IFT140: variants seen among roughly 807,000 people sequenced by gnomAD.
The protein encoded by IFT140 is intraflagellar transport 140.
Under a neutral mutation model 164.6 loss-of-function variants are expected in IFT140, and 133 were observed. The observed-to-expected ratio is 0.81, with a 90% confidence interval of 0.70 to 0.93. The LOEUF (loss-of-function observed/expected upper bound fraction) is 0.93. Ranked by LOEUF, IFT140 falls within the 40% of genes least tolerant of loss-of-function variation. IFT140 has a pLI of 0.00. For synonymous variants in IFT140, 860 were observed against 817.3 expected, an observed-to-expected ratio of 1.05 and a Z score of -0.89; for missense variants, 2,045 against 1,972.3, an observed-to-expected ratio of 1.04 and a Z score of -0.70.
At chr16:1,542,262 G>A (rs1263505031) in intron 19 of IFT140, among the ~76,000 whole-genome samples, 1 of 152,248 alleles carries the variant, frequency 6.6e-6, no homozygotes, top group African/African-American at 2.4e-5. Context: ...CAAGAATGAT[G>A]AAAGACAGAA....
chr16:1,600,886 GA>G (rs1308659905), intron 4 of IFT140, among the ~76,000 whole-genome samples: 1 of 149,010 alleles, frequency 6.7e-6, no homozygotes, highest in East Asian at 1.9e-4. Flanking sequence ...TAAATTTCAT[GA>G]AAGACCAAAA....
chr16:1,591,430 G>A (rs1879508375), intron 6 of IFT140, among the ~76,000 whole-genome samples: 1 of 152,070 alleles, frequency 6.6e-6, no homozygotes, highest in Admixed American at 6.5e-5. Context: ...ACACAGCCCC[G>A]TCTGCTCTCA....
At chr16:1,606,496 T>C (rs1375921232) in intron 3 of IFT140, among the ~76,000 whole-genome samples, 1 of 152,248 alleles carries the variant, frequency 6.6e-6, no homozygotes, top group African/African-American at 2.4e-5. Flanking sequence ...GTTTTGCTTT[T>C]GTTGCCCAGG....
At chr16:1,528,422 C>T (rs986679619) in intron 19 of IFT140, among the ~76,000 whole-genome samples, 1 of 117,644 alleles carries the variant, frequency 8.5e-6, no homozygotes, top group Admixed American at 7.9e-5. Context: ...GACGCACATG[C>T]ACACACAGAT....
chr16:1,539,610 G>C (rs979657792), intron 19 of IFT140, among the ~76,000 whole-genome samples: 1 of 152,258 alleles, frequency 6.6e-6, no homozygotes, highest in African/African-American at 2.4e-5. Context: ...TCGCGGGAGC[G>C]CTATGGTTTC....
intron 6 of IFT140, among the ~76,000 whole-genome samples, chr16:1,591,379 C>G (rs1413702904): frequency 6.6e-6 from 1 of 152,176 alleles, no homozygotes; most frequent in Admixed American, 6.5e-5. Context: ...TCTTCACCTT[C>G]TAAAATGAAA....
chr16:1,575,654 G>A (rs2141679893), intron 13 of IFT140, among the ~76,000 whole-genome samples: 1 of 152,306 alleles, frequency 6.6e-6, no homozygotes, highest in Admixed American at 6.5e-5. Context: ...GGACTTCTCA[G>A]TGGGCCCACT....
chr16:1,524,417 C>G lies in IFT140; in HGVS notation c.3141+135G>C. 4 of 1,196,782 alleles carry G rather than the reference C, an allele frequency of 3.3e-6. No individual in the cohort carries two copies. In the South Asian group the frequency reaches 6.2e-5, roughly 18 times the overall value. The allele number at this position is 1,196,782 out of a possible 1,614,324, so 74.1% of individuals were successfully genotyped here. ...CAGAGGGGTGGGCGGGTGAGGCAGA[C>G]GGGGTGAGCAGTGAGTGGCAGACAC... On this transcript the variant is annotated intron_variant, in intron 24 of 30. Coordinates refer to ENST00000426508, the MANE Select transcript of IFT140 (RefSeq NM_014714.4).
intron 15 of IFT140, 57 bp from the exon 16 acceptor site, chr16:1,566,348 G>A (rs1596376625): frequency 1.3e-6 from 2 of 1,593,502 alleles, no homozygotes; most frequent in East Asian, 2.2e-5. Context: ...GCGGGTTGGT[G>A]GGCTGTGCTA....
chr16:1,518,275 T>C lies in IFT140; in HGVS notation c.4123A>G (p.Ile1375Val), dbSNP rs1258339035. Residue 1375 changes from isoleucine to valine, a missense_variant, in exon 30 of 31, where the codon ATC becomes GTC. Transcript: ENST00000426508. ...EEPDLDSTIRIGDVYGFLVEH... is the reference protein window; with the variant it reads ...EEPDLDSTIRVGDVYGFLVEH... ...ACCAGGAAGCCATAGACGTCCCCGA[T>C]GCGGATGGTGCTGTCCAGGTCTGGT... The C allele has an allele frequency of 6.2e-7, 1 of 1,614,172 alleles. No individual in the cohort carries two copies. The highest frequency in any genetic ancestry group is 8.5e-7 in the Non-Finnish European group (1 of 1,180,028).
At chr16:1,581,807 A>AGGGGAG (rs2034584871) in intron 12 of IFT140, among the ~76,000 whole-genome samples, 3 of 20,816 alleles carry the variant, frequency 1.4e-4, no homozygotes, top group East Asian at 1.4e-3. Flanking sequence ...AGTGGAGGGG[A>AGGGGAG]TGGGAGTGGA....
chr16:1,604,316 T>TGTGTGG (rs1273123812), intron 3 of IFT140: 6 of 127,002 alleles, frequency 4.7e-5, no homozygotes, highest in African/African-American at 1.8e-4. Flanking sequence ...TGTGTGTGTG[T>TGTGTGG]GGAGGGGGGA....
At chr16:1,526,214 C>G (rs2040690117) in intron 20 of IFT140, 137 bp from the exon 21 acceptor site, 1 of 811,982 alleles carries the variant, frequency 1.2e-6, no homozygotes, top group African/African-American at 1.7e-5. Context: ...GCTGTGGGCA[C>G]AGCAAACGCC....
chr16:1,520,016 T>G lies in IFT140; in HGVS notation c.3905A>C (p.Lys1302Thr), dbSNP rs1158508372. The change falls in exon 29 of 31, where the codon AAA becomes ACA. Residue 1302 changes from lysine (K) to threonine (T), a missense_variant. Coordinates refer to ENST00000426508, the MANE Select transcript of IFT140 (RefSeq NM_014714.4). ...GGCCTCGGTCAGCGCCCCGTGGGCT[T>G]TGTCGTAGTTCTGGTATTCATCAAT... ...VEIDEYQNYD[K>T]AHGALTEAYK... 1 of 1,601,636 alleles carries G rather than the reference T, an allele frequency of 6.2e-7. No homozygotes were observed. Among genetic ancestry groups the G allele is most frequent in the Non-Finnish European group, 8.5e-7 (1 of 1,174,270 alleles).
chr16:1,541,805 G>C, intron 19 of IFT140: 1 of 1,295,538 alleles, frequency 7.7e-7, no homozygotes, highest in South Asian at 1.5e-5. Context: ...TGGAGGCACA[G>C]CCTGTGCCGA....
In IFT140 at chr16:1,525,294, ACCT is replaced by A; in HGVS notation, c.2798_2800del (p.Glu933del). ...CAGGTCCTCCGACAGCATCCTGGGC[ACCT>A]CGAAGCGGTGCGTGTCCGACTTCTC... On this transcript the variant is annotated inframe_deletion, in exon 22 of 31. Transcript: ENST00000426508. The A allele has an allele frequency of 1.9e-6, 3 of 1,612,770 alleles. No homozygotes were observed. Among genetic ancestry groups the A allele is most frequent in the Non-Finnish European group, 2.5e-6 (3 of 1,179,952 alleles).
rs747957622 is a variant in IFT140, at chr16:1,523,642, A to T, written c.3329T>A (p.Leu1110Gln). The change falls in exon 26 of 31, where the codon CTA becomes CAA. Residue 1110 changes from leucine to glutamine, a missense_variant. Transcript: ENST00000426508. ...LAFATQQFVA[L>Q]QLIAEDLDET... ...ATCCAGGTCCTCTGCTATGAGCTGT[A>T]GGGCCACAAACTGCTGGGTGGCAAA... 21 of 1,613,944 alleles carry T rather than the reference A, an allele frequency of 1.3e-5. No homozygotes were observed. The highest frequency in any genetic ancestry group is 2.2e-5 in the East Asian group (1 of 44,882).
intron 6 of IFT140, among the ~76,000 whole-genome samples, 185 bp downstream of exon 6, chr16:1,591,991 C>G (rs2035205067): frequency 6.6e-6 from 1 of 152,252 alleles, no homozygotes; most frequent in African/African-American, 2.4e-5. Flanking sequence ...GGCAACATTT[C>G]AACACTGGAT....
At chr16:1,548,544 A>C (rs1343114890) in intron 19 of IFT140, among the ~76,000 whole-genome samples, 1 of 152,236 alleles carries the variant, frequency 6.6e-6, no homozygotes, top group African/African-American at 2.4e-5. Flanking sequence ...CTCTTCCCTT[A>C]CATTTGTTTC....
Sources: allele counts gnomAD v4.1 joint callset (sites outside exome capture counted in the v4.1 genomes callset), GRCh38; gene constraint gnomAD v4.1.1; transcripts MANE v1.5; gene names NCBI Gene and HGNC (gene_info 2026-07-23, HGNC 2026-07-21).